The following SLC4A8 variants were observed in gnomAD, a reference collection of about 807,000 sequenced individuals.
SLC4A8 encodes the protein solute carrier family 4 member 8.
SLC4A8 carries 40 observed loss-of-function variants against 125.0 expected under a neutral mutation model. That is an observed-to-expected ratio of 0.32 (90% CI 0.25 to 0.42). The LOEUF (loss-of-function observed/expected upper bound fraction) is 0.42, where lower values mean the gene tolerates loss of function less well. SLC4A8 is among the 10% of genes least tolerant of loss of function. SLC4A8 has a pLI of 1.00. For missense variants in SLC4A8, 863 were observed against 1,355.1 expected (o/e 0.64, Z 5.70); for synonymous variants, 456 against 476.0 (o/e 0.96, Z 0.55).
intron 1 of SLC4A8, among the ~76,000 whole-genome samples, chr12:51,434,113 G>A (rs2138086262): frequency 6.6e-6 from 1 of 152,036 alleles, no homozygotes; most frequent in South Asian, 2.1e-4. Context: ...AGCCTCAAAC[G>A]ATCCTCCCAC....
intron 8 of SLC4A8, among the ~76,000 whole-genome samples, chr12:51,460,782 C>A (rs1293505763): frequency 6.6e-6 from 1 of 152,184 alleles, no homozygotes; most frequent in Non-Finnish European, 1.5e-5. Context: ...ATTCAGATGT[C>A]CAGAACACAT....
chr12:51,474,016 G>A (rs763195740), intron 14 of SLC4A8, among the ~76,000 whole-genome samples: 9 of 70,406 alleles, frequency 1.3e-4, no homozygotes, highest in East Asian at 3.9e-4. Flanking sequence ...GATAGAAATC[G>A]GGCAAAAACA....
intron 20 of SLC4A8, 99 bp from the exon 21 acceptor site, chr12:51,494,846 A>C: frequency 1.1e-6 from 1 of 878,504 alleles, no homozygotes; most frequent in Non-Finnish European, 1.7e-6. Flanking sequence ...GGTGTTACCT[A>C]CCTTTCAGAG....
chr12:51,438,687 T>G (rs1281423714), intron 1 of SLC4A8, among the ~76,000 whole-genome samples: 2 of 152,176 alleles, frequency 1.3e-5, no homozygotes, highest in African/African-American at 2.4e-5. Context: ...TGTTTGTAGT[T>G]TTTTGAGGAA....
At chr12:51,409,145 C>T (rs1948549516) in intron 1 of SLC4A8, among the ~76,000 whole-genome samples, 1 of 152,148 alleles carries the variant, frequency 6.6e-6, no homozygotes, top group Admixed American at 6.5e-5. Context: ...CCGTCTCAGC[C>T]TACCAAGTAG....
At chr12:51,442,709 G>A (rs1407391795) in intron 2 of SLC4A8, among the ~76,000 whole-genome samples, 1 of 152,150 alleles carries the variant, frequency 6.6e-6, no homozygotes, top group Non-Finnish European at 1.5e-5. Flanking sequence ...CACGCAAATG[G>A]TGGACAAACT....
intron 1 of SLC4A8, among the ~76,000 whole-genome samples, chr12:51,417,898 C>T (rs993346790): frequency 2.3e-4 from 35 of 152,174 alleles, no homozygotes; most frequent in African/African-American, 6.8e-4. Flanking sequence ...GTGATCTGCC[C>T]GCCTTGGCCT....
At chr12:51,471,224 C>T in intron 13 of SLC4A8, 63 bp from the exon 14 acceptor site, 1 of 1,507,304 alleles carries the variant, frequency 6.6e-7, no homozygotes, top group Non-Finnish European at 9.0e-7. Context: ...AACCACATTT[C>T]TGACTCCTTG....
chr12:51,414,858 G>A (rs1193811433), intron 1 of SLC4A8, among the ~76,000 whole-genome samples: 5 of 152,150 alleles, frequency 3.3e-5, no homozygotes, highest in African/African-American at 1.2e-4. Flanking sequence ...TATGTTGAGA[G>A]CTTTTATCAT....
rs1419996164 is a variant in SLC4A8 at position 51,515,203 on chromosome 12, A to G, written c.*7765A>G. On this transcript the variant is annotated 3_prime_UTR_variant, in exon 25 of 25. Coordinates refer to ENST00000453097, the MANE Select transcript of SLC4A8 (RefSeq NM_001039960.3). ...GTGCAATAATGCTGGAAACAGAAGCACCAAACTGATTGTGCAATTACTCCT... is the reference window on the plus strand; with the variant it reads ...GTGCAATAATGCTGGAAACAGAAGCGCCAAACTGATTGTGCAATTACTCCT... The G allele has an allele frequency of 6.6e-6, 1 of 152,260 alleles. No homozygotes were observed. The highest frequency in any genetic ancestry group is 1.5e-5 in the Non-Finnish European group (1 of 68,054). The allele number at this position is 152,260 out of a possible 1,614,324, so 9.4% of individuals were successfully genotyped here. A position where few individuals can be genotyped will look rare whatever the true frequency, so the allele number is the denominator to read the frequency against.
chr12:51,392,485 A>G (rs1185853457), intron 1 of SLC4A8, among the ~76,000 whole-genome samples: 3 of 149,774 alleles, frequency 2.0e-5, no homozygotes, highest in African/African-American at 7.4e-5. Context: ...AGGCCGGAGA[A>G]TCGCTTGAAC....
chr12:51,455,960 CTCTT>C (rs1377173378), intron 5 of SLC4A8, among the ~76,000 whole-genome samples: 1 of 152,194 alleles, frequency 6.6e-6, no homozygotes, highest in African/African-American at 2.4e-5. Context: ...CTGTTTAAAA[CTCTT>C]TGTAAACAAC....
chr12:51,441,476 T>C (rs870814), intron 2 of SLC4A8, among the ~76,000 whole-genome samples: 141,055 of 152,252 alleles, frequency 0.93, 65,401 homozygotes, highest in Non-Finnish European at 0.95. Context: ...TGCTTTCCTT[T>C]TTCCCCTGGG....
chr12:51,417,548 C>T (rs1254856799), intron 1 of SLC4A8, among the ~76,000 whole-genome samples: 5 of 142,854 alleles, frequency 3.5e-5, no homozygotes, highest in African/African-American at 1.1e-4. Context: ...GACGAAGTCT[C>T]ACACTGTCGC....
At chr12:51,396,538 T>C (rs1775611516) in intron 1 of SLC4A8, among the ~76,000 whole-genome samples, 1 of 152,026 alleles carries the variant, frequency 6.6e-6, no homozygotes, top group African/African-American at 2.4e-5. Context: ...GGACAAAGTA[T>C]CAAAAATTCA....
chr12:51,513,352 G>A lies in SLC4A8; in HGVS notation c.*5914G>A, dbSNP rs1174940931. Reference sequence around the variant, plus strand: ...CTGTCCCCATCTCTTTATGTGTAGAGACCTGGATTTGGGGTAGTGGGGTAG... The same window carrying A: ...CTGTCCCCATCTCTTTATGTGTAGAAACCTGGATTTGGGGTAGTGGGGTAG... On this transcript the variant is annotated 3_prime_UTR_variant, in exon 25 of 25. Coordinates refer to ENST00000453097, the MANE Select transcript of SLC4A8 (RefSeq NM_001039960.3). 1 of 152,226 alleles carries A rather than the reference G, an allele frequency of 6.6e-6. No homozygotes were observed. The highest frequency in any genetic ancestry group is 2.4e-5 in the African/African-American group (1 of 41,442). The allele number at this position is 152,226 out of a possible 1,614,324, so 9.4% of individuals were successfully genotyped here. A position where few individuals can be genotyped will look rare whatever the true frequency, so the allele number is the denominator to read the frequency against.
chr12:51,400,801 C>T (rs1333973252), intron 1 of SLC4A8, among the ~76,000 whole-genome samples: 6 of 71,112 alleles, frequency 8.4e-5, no homozygotes, highest in East Asian at 4.4e-4. Context: ...CACACACACA[C>T]ATATATAAAC....
intron 1 of SLC4A8, among the ~76,000 whole-genome samples, chr12:51,398,673 C>T (rs1244158386): frequency 6.6e-6 from 1 of 152,216 alleles, no homozygotes; most frequent in African/African-American, 2.4e-5. Flanking sequence ...TATAAACTAA[C>T]TCCGCAGAGC....
intron 3 of SLC4A8, 149 bp downstream of exon 3, chr12:51,451,171 A>G (rs1949956730): frequency 1.3e-6 from 1 of 778,184 alleles, no homozygotes; most frequent in East Asian, 3.3e-5. Flanking sequence ...AATGCCTCTA[A>G]GAGTCAAAAA....
Sources: gnomAD v4.1 joint callset for allele counts (sites outside exome capture counted in the v4.1 genomes callset) on GRCh38, gnomAD v4.1.1 for gene constraint, MANE v1.5 for transcripts, NCBI Gene and HGNC (gene_info 2026-07-23, HGNC 2026-07-21) for gene names.